SNX29: variants seen among roughly 807,000 people sequenced by gnomAD.
SNX29 encodes the protein sorting nexin-29.
In SNX29, 78 loss-of-function variants were observed where a neutral mutation model predicts 102.1. That is an observed-to-expected ratio of 0.76 (90% CI 0.64 to 0.92). The LOEUF (loss-of-function observed/expected upper bound fraction) is 0.92, where lower values mean the gene tolerates loss of function less well. SNX29 is among the 40% of genes least tolerant of loss of function. The probability of loss-of-function intolerance (pLI) is 0.00; values close to 1 mark genes in which losing one functional copy is unlikely to be tolerated. For synonymous variants in SNX29, 580 were observed against 414.5 expected (o/e 1.40, Z -4.85); for missense variants, 1,280 against 1,061.7 (o/e 1.21, Z -2.86).
Position 12,121,433 on chromosome 16 carries a change from C to A in SNX29, c.1403-5200C>A, listed in dbSNP as rs533647305. Among the ~76,000 whole-genome samples, 8 of 152,256 alleles carry A rather than the reference C, an allele frequency of 5.3e-5. No individual in the cohort carries two copies. The East Asian group carries it at 1.3e-3, about 26-fold the overall frequency. On this transcript the variant is annotated intron_variant, in intron 11 of 20. Coordinates refer to ENST00000566228, the MANE Select transcript of SNX29 (RefSeq NM_032167.5). ...GACTGCTTTATTCCCTGTGGCCATG[C>A]GGTCACTGCAGGTCGGCCCGCACTT...
intron 1 of SNX29, among the ~76,000 whole-genome samples, chr16:11,982,895 A>G (rs8061496): frequency 0.34 from 51,628 of 151,864 alleles, 9,261 homozygotes; most frequent in East Asian, 0.64. Context: ...GTTAATGTAT[A>G]TTTTGGCAGC....
In SNX29 at chr16:12,566,863, C is replaced by T. The variant is rs1235716340; in HGVS notation, c.2319-1643C>T. ...CAAATGTTTCTTTTTCATCCATGCA[C>T]AGAAGGCAAAGCAACAACTTGACTT... On this transcript the variant is annotated intron_variant, in intron 20 of 20. Coordinates refer to ENST00000566228, the MANE Select transcript of SNX29 (RefSeq NM_032167.5). 3.9e-5 allele frequency among the ~76,000 whole-genome samples: 6 copies of T among 152,218 alleles called. No individual in the cohort carries two copies. The East Asian group carries it at 1.2e-3, about 29-fold the overall frequency.
rs147949386 is a variant in SNX29 at position 12,573,711 on chromosome 16, T to C, written c.*5082T>C. The C allele has an allele frequency of 9.0e-6, 2 of 223,336 alleles. No individual in the cohort carries two copies. Among genetic ancestry groups the C allele is most frequent in the East Asian group, 1.3e-4 (2 of 15,444 alleles). The allele number at this position is 223,336 out of a possible 1,614,324, so 13.8% of individuals were successfully genotyped here. A position where few individuals can be genotyped will look rare whatever the true frequency, so the allele number is the denominator to read the frequency against. On this transcript the variant is annotated 3_prime_UTR_variant, in exon 21 of 21. Coordinates refer to ENST00000566228, the MANE Select transcript of SNX29 (RefSeq NM_032167.5). ...TTGCAAAAATTGGGACTGAGGACAGTAGCACACGGAATGGTGGATCGTACA... is the reference window on the plus strand; with the variant it reads ...TTGCAAAAATTGGGACTGAGGACAGCAGCACACGGAATGGTGGATCGTACA...
chr16:12,416,076 T>G (rs2084623806), intron 18 of SNX29, among the ~76,000 whole-genome samples: 1 of 152,072 alleles, frequency 6.6e-6, no homozygotes. Flanking sequence ...TGTCCTCTGG[T>G]TTGAAAAAGA....
At chr16:12,558,950 A>G (rs1466443117) in intron 20 of SNX29, among the ~76,000 whole-genome samples, 1 of 152,218 alleles carries the variant, frequency 6.6e-6, no homozygotes, top group East Asian at 1.9e-4. Context: ...TATCGGCCCC[A>G]TGTTTCAGGT....
In SNX29 at chr16:12,571,316, C is replaced by A. The variant is rs1310481473; in HGVS notation, c.*2687C>A. The A allele has an allele frequency of 8.6e-6, 2 of 231,962 alleles. No individual in the cohort carries two copies. The highest frequency in any genetic ancestry group is 1.7e-5 in the Non-Finnish European group (2 of 117,344). 14.4% of individuals were successfully genotyped at this position (231,962 alleles called of 1,614,324 possible). A position where few individuals can be genotyped will look rare whatever the true frequency, so the allele number is the denominator to read the frequency against. The stretch of plus-strand genomic sequence containing the variant: ...CCACACCCTGGAAATGTGTCAACTG[C>A]CTGTCAGCCTGGATTCAATTCTGAG... On this transcript the variant is annotated 3_prime_UTR_variant, in exon 21 of 21. Transcript: ENST00000566228.
chr16:12,360,944 C>G (rs2082283185), intron 16 of SNX29, among the ~76,000 whole-genome samples: 2 of 152,128 alleles, frequency 1.3e-5, no homozygotes, highest in Non-Finnish European at 2.9e-5. Flanking sequence ...AATTACAAAG[C>G]CCATTTTCTT....
chr16:12,310,832 G>C (rs150668902), intron 15 of SNX29, among the ~76,000 whole-genome samples: 1 of 152,168 alleles, frequency 6.6e-6, no homozygotes, highest in Non-Finnish European at 1.5e-5. Context: ...GGTGGGAACT[G>C]CCCAGGGCAT....
intron 16 of SNX29, among the ~76,000 whole-genome samples, chr16:12,363,551 GCT>G (rs1479877046): frequency 6.6e-6 from 1 of 152,154 alleles, no homozygotes; most frequent in African/African-American, 2.4e-5. Flanking sequence ...GTGAAACAGT[GCT>G]CTCTGTGCTG....
At chr16:12,165,984 C>T (rs111861046) in intron 13 of SNX29, among the ~76,000 whole-genome samples, 2,674 of 152,298 alleles carry the variant, frequency 0.018, 77 homozygotes, top group African/African-American at 0.061. Context: ...ATGGGGCTAC[C>T]TTAGGGGGTT....
chr16:12,281,409 A>G (rs2079426399), intron 15 of SNX29, among the ~76,000 whole-genome samples: 1 of 152,196 alleles, frequency 6.6e-6, no homozygotes, highest in South Asian at 2.1e-4. Context: ...CACAGAACCT[A>G]AAGTCGGTGC....
At chr16:12,008,596 C>T (rs2056538010) in intron 3 of SNX29, among the ~76,000 whole-genome samples, 1 of 151,930 alleles carries the variant, frequency 6.6e-6, no homozygotes, top group Non-Finnish European at 1.5e-5. Context: ...ACAAAAATGA[C>T]AGCTTGTTCA....
chr16:12,195,026 G>C (rs2076738707), intron 13 of SNX29, among the ~76,000 whole-genome samples: 1 of 152,186 alleles, frequency 6.6e-6, no homozygotes. Context: ...TTATCATATA[G>C]AAATGAGCAC....
At chr16:12,468,042 C>A (rs1385910513) in intron 18 of SNX29, among the ~76,000 whole-genome samples, 1 of 152,068 alleles carries the variant, frequency 6.6e-6, no homozygotes, top group Non-Finnish European at 1.5e-5. Flanking sequence ...ATCCCTCGTC[C>A]TCCCTGCCCC....
intron 11 of SNX29, among the ~76,000 whole-genome samples, chr16:12,105,207 C>CCCTG (rs1182474989): frequency 1.3e-4 from 10 of 78,894 alleles, no homozygotes; most frequent in African/African-American, 4.0e-4. Flanking sequence ...CTCCCTTCCT[C>CCCTG]CCTCCCTCCC....
chr16:12,031,586 C>G (rs868745343), intron 4 of SNX29, among the ~76,000 whole-genome samples: 1 of 150,622 alleles, frequency 6.6e-6, no homozygotes, highest in African/African-American at 2.4e-5. Flanking sequence ...GCGGGCGGAT[C>G]ATGAGGTCAG....
intron 9 of SNX29, among the ~76,000 whole-genome samples, chr16:12,066,483 G>A (rs575383792): frequency 6.6e-6 from 1 of 152,096 alleles, no homozygotes; most frequent in Admixed American, 6.5e-5. Context: ...TATCCCAGTA[G>A]AGTTTTCTAG....
intron 15 of SNX29, among the ~76,000 whole-genome samples, chr16:12,327,464 T>G (rs2081153650): frequency 6.6e-6 from 1 of 151,892 alleles, no homozygotes; most frequent in African/African-American, 2.4e-5. Flanking sequence ...CTCCTTGGTT[T>G]ATAGACGGCC....
intron 14 of SNX29, among the ~76,000 whole-genome samples, chr16:12,206,764 C>G (rs1238682067): frequency 6.6e-6 from 1 of 150,976 alleles, no homozygotes; most frequent in Non-Finnish European, 1.5e-5. Flanking sequence ...TTTAAAAATC[C>G]CAATGCTTGG....
Sources: allele counts gnomAD v4.1 joint callset (sites outside exome capture counted in the v4.1 genomes callset), GRCh38; gene constraint gnomAD v4.1.1; transcripts MANE v1.5; gene names NCBI Gene and HGNC (gene_info 2026-07-23, HGNC 2026-07-21).